The following TMC7 variants were observed in gnomAD, a reference collection of about 807,000 sequenced individuals.
The protein encoded by TMC7 is transmembrane channel like 7, also known as transmembrane channel-like protein 7.
Under a neutral mutation model 82.9 loss-of-function variants are expected in TMC7, and 54 were observed. The ratio of observed to expected loss-of-function variants is 0.65; its 90% CI spans 0.52 to 0.82. The LOEUF is 0.82. Among genes scored for constraint, TMC7 ranks in the 40% least tolerant of loss-of-function variants. TMC7 has a pLI of 0.00. For synonymous variants in TMC7, 350 were observed against 337.9 expected (o/e 1.04, Z -0.39); for missense variants, 820 against 901.2 (o/e 0.91, Z 1.15).
intron 1 of TMC7, among the ~76,000 whole-genome samples, chr16:18,997,175 C>G (rs1174500566): frequency 6.6e-6 from 1 of 152,162 alleles, no homozygotes; most frequent in Non-Finnish European, 1.5e-5. Flanking sequence ...AGGAGTCCTC[C>G]CGTCCTGGGT....
At chr16:19,031,867 A>T (rs1227366510) in intron 6 of TMC7, among the ~76,000 whole-genome samples, 1 of 152,146 alleles carries the variant, frequency 6.6e-6, no homozygotes, top group East Asian at 1.9e-4. Context: ...CTCACGGAGG[A>T]GAACCATGCG....
intron 8 of TMC7, among the ~76,000 whole-genome samples, chr16:19,039,090 T>TTG (rs1639382829): frequency 7.5e-6 from 1 of 133,578 alleles, no homozygotes; most frequent in African/African-American, 2.9e-5. Context: ...TCTTTCTTTT[T>TTG]TCTTTTTTTT....
At chr16:19,056,720 C>T in intron 14 of TMC7, 23 bp downstream of exon 14, 9 of 1,609,326 alleles carry the variant, frequency 5.6e-6, no homozygotes, top group Non-Finnish European at 7.6e-6. Context: ...CACCAGGACC[C>T]ACTGAGGCAC....
At chr16:19,050,697 C>T (rs546202082) in intron 12 of TMC7, among the ~76,000 whole-genome samples, 1 of 152,198 alleles carries the variant, frequency 6.6e-6, no homozygotes, top group East Asian at 1.9e-4. Flanking sequence ...GATGGGGTTT[C>T]ACCATGTTGG....
chr16:18,984,011 G>A lies in TMC7; in HGVS notation c.-53G>A, dbSNP rs2038796115. The A allele has an allele frequency of 1.5e-6, 2 of 1,373,952 alleles. No individual in the cohort carries two copies. Among genetic ancestry groups the A allele is most frequent in the Non-Finnish European group, 1.9e-6 (2 of 1,070,880 alleles). 85.1% of individuals were successfully genotyped at this position (1,373,952 alleles called of 1,614,324 possible). A position where few individuals can be genotyped will look rare whatever the true frequency, so the allele number is the denominator to read the frequency against. ...GGAAGGCCGGGGAGGCGGCGGCGGC[G>A]GCGGCGGCTGGAGAGGGTCCTCGGC... On this transcript the variant is annotated 5_prime_UTR_variant, in exon 1 of 16. Transcript: ENST00000304381.
At chr16:19,047,974 C>T (rs1389511116) in intron 12 of TMC7, among the ~76,000 whole-genome samples, 2 of 152,078 alleles carry the variant, frequency 1.3e-5, no homozygotes, top group Non-Finnish European at 2.9e-5. Flanking sequence ...GCTGGGATTA[C>T]AGGCGTGAGC....
intron 9 of TMC7, among the ~76,000 whole-genome samples, chr16:19,043,943 C>T: frequency 6.7e-6 from 1 of 149,046 alleles, no homozygotes; most frequent in East Asian, 2.0e-4. Flanking sequence ...GATCTCGGCT[C>T]ACTGCAACCT....
chr16:19,001,797 G>T (rs1333088342), intron 1 of TMC7, among the ~76,000 whole-genome samples: 2 of 152,214 alleles, frequency 1.3e-5, no homozygotes, highest in African/African-American at 4.8e-5. Context: ...TCAAAGCACA[G>T]AGCAAGTCTT....
chr16:19,060,759 T>C (rs1189156041), intron 15 of TMC7, among the ~76,000 whole-genome samples: 1 of 150,838 alleles, frequency 6.6e-6, no homozygotes. Flanking sequence ...GATGGGAAGC[T>C]GCTGAAGGGT....
chr16:19,029,837 C>G (rs568932649), intron 5 of TMC7, among the ~76,000 whole-genome samples: 1 of 151,906 alleles, frequency 6.6e-6, no homozygotes, highest in Non-Finnish European at 1.5e-5. Context: ...CTCAGCCTCC[C>G]GAGTAGCTGG....
At chr16:19,029,520 C>A (rs1960404128) in intron 5 of TMC7, among the ~76,000 whole-genome samples, 1 of 152,076 alleles carries the variant, frequency 6.6e-6, no homozygotes, top group Non-Finnish European at 1.5e-5. Flanking sequence ...TAGACATGCA[C>A]CTCTATGCCT....
intron 1 of TMC7, among the ~76,000 whole-genome samples, chr16:19,001,061 A>G (rs559017915): frequency 5.3e-5 from 8 of 152,200 alleles, no homozygotes; most frequent in Non-Finnish European, 1.0e-4. Context: ...ATTGTGAAAA[A>G]AATACATCAT....
rs1312506154 is a variant in TMC7, at chr16:19,029,679, G to A, written c.712-545G>A. Among the ~76,000 whole-genome samples the A allele has an allele frequency of 6.0e-5, 9 of 149,666 alleles. No individual in the cohort carries two copies. In the South Asian group the frequency reaches 1.5e-3, roughly 25 times the overall value. Reference sequence around the variant, plus strand: ...TGTGAGCCACCACGCCTGGCCATCTGTGCATTTTTTTTTTTTTTTGAGATG... The same window carrying A: ...TGTGAGCCACCACGCCTGGCCATCTATGCATTTTTTTTTTTTTTTGAGATG... On this transcript the variant is annotated intron_variant, in intron 5 of 15. Transcript: ENST00000304381.
At chr16:19,003,385 C>T (rs1271164972) in intron 1 of TMC7, among the ~76,000 whole-genome samples, 33 of 149,096 alleles carry the variant, frequency 2.2e-4, no homozygotes, top group African/African-American at 6.8e-4. Flanking sequence ...CCCGGCCAGC[C>T]GCCCCGTCCG....
intron 13 of TMC7, among the ~76,000 whole-genome samples, chr16:19,054,617 A>C (rs1961684293): frequency 6.6e-6 from 1 of 151,130 alleles, no homozygotes; most frequent in Admixed American, 6.6e-5. Context: ...CCGGAGGCTG[A>C]GGCACGAGAA....
chr16:19,035,885 C>G (rs1385234805), intron 7 of TMC7, 62 bp downstream of exon 7: 1 of 1,512,190 alleles, frequency 6.6e-7, no homozygotes, highest in Non-Finnish European at 8.8e-7. Context: ...CCTTTGGAGC[C>G]TGAGTTTTCA....
At chr16:19,026,656 T>C (rs1054426169) in intron 5 of TMC7, among the ~76,000 whole-genome samples, 2 of 152,200 alleles carry the variant, frequency 1.3e-5, no homozygotes, top group African/African-American at 2.4e-5. Flanking sequence ...CGCTTAATTA[T>C]AGATGTTCAA....
At chr16:19,016,966 A>G (rs890233334) in intron 3 of TMC7, among the ~76,000 whole-genome samples, 1 of 152,178 alleles carries the variant, frequency 6.6e-6, no homozygotes, top group African/African-American at 2.4e-5. Context: ...TGGGTGAATC[A>G]TGAGTTCAGG....
chr16:19,013,460 G>T (rs976257912), intron 2 of TMC7, among the ~76,000 whole-genome samples: 1 of 151,874 alleles, frequency 6.6e-6, no homozygotes, highest in Non-Finnish European at 1.5e-5. Flanking sequence ...CAGGTGATCC[G>T]CCTGCCTCGG....
Sources: gnomAD v4.1 joint callset for allele counts (sites outside exome capture counted in the v4.1 genomes callset) on GRCh38, gnomAD v4.1.1 for gene constraint, MANE v1.5 for transcripts, NCBI Gene and HGNC (gene_info 2026-07-23, HGNC 2026-07-21) for gene names.